The following EPHA6 variants were observed in gnomAD, a reference collection of about 807,000 sequenced individuals.
EPHA6 encodes ephrin type-A receptor 6.
Under a neutral mutation model 112.0 loss-of-function variants are expected in EPHA6, and 50 were observed. The observed-to-expected ratio is 0.45, with a 90% CI of 0.36 to 0.56. The LOEUF is 0.56. Ranked by LOEUF, EPHA6 falls within the 20% of genes least tolerant of loss-of-function variation. The pLI, the probability that EPHA6 is intolerant of heterozygous loss-of-function variation, is 0.00. For missense variants in EPHA6, 1,280 were observed against 1,417.4 expected (o/e 0.90, Z 1.56); for synonymous variants, 529 against 490.7 (o/e 1.08, Z -1.03).
At chr3:97,424,806 C>CAAAA (rs60277455) in intron 6 of EPHA6, among the ~76,000 whole-genome samples, 1 of 52,084 alleles carries the variant, frequency 1.9e-5, no homozygotes, top group East Asian at 6.4e-4. Context: ...AACTCTGTCT[C>CAAAA]AAAAAAAAAA....
At chr3:97,674,022 G>A (rs189853522) in intron 14 of EPHA6, among the ~76,000 whole-genome samples, 48 of 152,316 alleles carry the variant, frequency 3.2e-4, no homozygotes, top group Middle Eastern at 3.4e-3. Context: ...AGATAGAGCT[G>A]TACTTAAAAT....
At chr3:96,861,512 T>C (rs1433104225) in intron 1 of EPHA6, among the ~76,000 whole-genome samples, 1 of 152,044 alleles carries the variant, frequency 6.6e-6, no homozygotes, top group Non-Finnish European at 1.5e-5. Flanking sequence ...CTGAAAAAGA[T>C]ACTCTCTAGC....
intron 3 of EPHA6, among the ~76,000 whole-genome samples, chr3:96,994,732 T>TATATATATAGAGAGAG (rs1170197805): frequency 4.9e-5 from 4 of 82,212 alleles, no homozygotes; most frequent in Admixed American, 3.0e-4. Context: ...TATATATATA[T>TATATATATAGAGAGAG]AGAGAGAGAG....
chr3:97,528,174 G>A (rs2092649120), intron 10 of EPHA6, among the ~76,000 whole-genome samples: 1 of 152,116 alleles, frequency 6.6e-6, no homozygotes, highest in Non-Finnish European at 1.5e-5. Flanking sequence ...ATTATTAAGT[G>A]ACCCTACTTT....
At chr3:97,415,969 G>A (rs1441467100) in intron 6 of EPHA6, among the ~76,000 whole-genome samples, 1 of 151,896 alleles carries the variant, frequency 6.6e-6, no homozygotes, top group African/African-American at 2.4e-5. Flanking sequence ...GAGTTATATT[G>A]TTTGTTGTCA....
At chr3:96,980,135 G>T (rs2042702735) in intron 2 of EPHA6, among the ~76,000 whole-genome samples, 1 of 152,168 alleles carries the variant, frequency 6.6e-6, no homozygotes, top group African/African-American at 2.4e-5. Context: ...CCATGCCTAT[G>T]TCCTGAACGG....
chr3:97,472,192 A>G (rs960925213), intron 7 of EPHA6, among the ~76,000 whole-genome samples: 1 of 151,692 alleles, frequency 6.6e-6, no homozygotes, highest in Admixed American at 6.6e-5. Flanking sequence ...CACTATGGAT[A>G]TCATAGTGAA....
In EPHA6 at chr3:97,274,845, TGTGGGAGGCCGGATTG is replaced by T. The variant is rs1559844828; in HGVS notation, c.1606+30559_1606+30574del. ...GGGTCAGGTGTGGTATCCAGAATAA[TGTGGGAGGCCGGATTG>T]AAGTCCAGGCCAGGAACAATGGTAA... On this transcript the variant is annotated intron_variant, in intron 5 of 17. Transcript: ENST00000389672. Among the ~76,000 whole-genome samples the T allele has an allele frequency of 2.0e-5, 3 of 152,164 alleles. No individual in the cohort carries two copies. The East Asian group carries it at 5.8e-4, about 29-fold the overall frequency.
intron 14 of EPHA6, among the ~76,000 whole-genome samples, chr3:97,688,379 T>C (rs1045869998): frequency 2.0e-5 from 3 of 152,062 alleles, no homozygotes; most frequent in Non-Finnish European, 4.4e-5. Context: ...TCTTTCTAAA[T>C]GAGATTATCA....
At chr3:97,480,477 A>T (rs1160953999) in intron 9 of EPHA6, among the ~76,000 whole-genome samples, 1 of 152,172 alleles carries the variant, frequency 6.6e-6, no homozygotes. Flanking sequence ...AACAAAGCAC[A>T]TCTTGCACCG....
In EPHA6 at chr3:96,887,550, C is replaced by G. The variant is rs141480325; in HGVS notation, c.450+20661C>G. On this transcript the variant is annotated intron_variant, in intron 2 of 17. Coordinates refer to ENST00000389672, the MANE Select transcript of EPHA6 (RefSeq NM_001080448.3). ...TTCCTAGCTTTGGTGGTTTAATGCTCTATTTTTGTGCTGGTTGGCCTCCTG... is the reference window on the plus strand; with the variant it reads ...TTCCTAGCTTTGGTGGTTTAATGCTGTATTTTTGTGCTGGTTGGCCTCCTG... Among the ~76,000 whole-genome samples, 601 of 152,250 alleles carry G rather than the reference C, an allele frequency of 3.9e-3. 11 individuals carry two copies. In the East Asian group the frequency reaches 0.046, roughly 12 times the overall value.
intron 14 of EPHA6, among the ~76,000 whole-genome samples, chr3:97,688,789 C>T (rs934426158): frequency 6.6e-6 from 1 of 151,504 alleles, no homozygotes; most frequent in African/African-American, 2.4e-5. Flanking sequence ...AATGGGATTA[C>T]ACTTTTTTAA....
chr3:97,123,317 A>G (rs1212172625), intron 3 of EPHA6, among the ~76,000 whole-genome samples: 1 of 152,086 alleles, frequency 6.6e-6, no homozygotes, highest in Admixed American at 6.6e-5. Context: ...CATGTATACG[A>G]TAGCCTAGTT....
chr3:97,541,411 G>A (rs1366275329), intron 11 of EPHA6, among the ~76,000 whole-genome samples: 1 of 152,116 alleles, frequency 6.6e-6, no homozygotes, highest in African/African-American at 2.4e-5. Flanking sequence ...TAGTATGGTA[G>A]TATTAATTAG....
intron 5 of EPHA6, among the ~76,000 whole-genome samples, chr3:97,268,125 T>C (rs1370108453): frequency 6.6e-6 from 1 of 152,152 alleles, no homozygotes; most frequent in Admixed American, 6.5e-5. Flanking sequence ...CAGCTACACC[T>C]CCAGGCAGCA....
intron 3 of EPHA6, among the ~76,000 whole-genome samples, chr3:97,203,202 T>C (rs1191085849): frequency 1.3e-5 from 2 of 152,128 alleles, no homozygotes; most frequent in Non-Finnish European, 2.9e-5. Flanking sequence ...ACTCTGATCA[T>C]AGTGTCAAAA....
At chr3:97,171,156 A>G (rs1464628676) in intron 3 of EPHA6, among the ~76,000 whole-genome samples, 2 of 152,172 alleles carry the variant, frequency 1.3e-5, no homozygotes, top group Non-Finnish European at 1.5e-5. Flanking sequence ...TGAGAGATGG[A>G]CGGCATTGAT....
chr3:97,600,702 C>T (rs1305582721), intron 12 of EPHA6, among the ~76,000 whole-genome samples: 1 of 151,690 alleles, frequency 6.6e-6, no homozygotes, highest in Admixed American at 6.6e-5. Context: ...CTAAAGTTTG[C>T]ACACAAAGAA....
In EPHA6 at chr3:97,635,991, A is replaced by T. The variant is rs552431780; in HGVS notation, c.2575-1882A>T. On this transcript the variant is annotated intron_variant, in intron 13 of 17. Transcript: ENST00000389672. ...TTTCTGACTCATTAAAATTGCAAAA[A>T]AAAACACATATAATAACAGTAATAA... Among the ~76,000 whole-genome samples, 8 of 152,200 alleles carry T rather than the reference A, an allele frequency of 5.3e-5. No individual in the cohort carries two copies. In the East Asian group the frequency reaches 7.7e-4, roughly 15 times the overall value.
Sources: gnomAD v4.1 joint callset for allele counts (sites outside exome capture counted in the v4.1 genomes callset) on GRCh38, gnomAD v4.1.1 for gene constraint, MANE v1.5 for transcripts, NCBI Gene and HGNC (gene_info 2026-07-23, HGNC 2026-07-21) for gene names.